Variants in HEMK2 observed in about 807,000 individuals in gnomAD.
HEMK2 encodes the protein HemK methyltransferase 2, ETF1 glutamine and histone H4 lysine.
At chr21:28,862,866 C>CT in the HEMK2 span, among the ~76,000 whole-genome samples, 1 of 152,096 alleles carries the variant, frequency 6.6e-6, no homozygotes, top group Admixed American at 6.6e-5. Context: ...GTACTGTTAA[C>CT]TTTATGTATT....
At chr21:28,865,914 T>C in the HEMK2 span, among the ~76,000 whole-genome samples, 11 of 152,064 alleles carry the variant, frequency 7.2e-5, no homozygotes, top group South Asian at 2.1e-4. Context: ...GTTGCCCTTT[T>C]CTTTTCTTTT....
chr21:28,778,954 A>C, the HEMK2 span, among the ~76,000 whole-genome samples: 1 of 152,102 alleles, frequency 6.6e-6, no homozygotes, highest in African/African-American at 2.4e-5. Flanking sequence ...AACTTAATCG[A>C]TTTTTCCTCT....
chr21:28,881,111 T>C, the HEMK2 span, among the ~76,000 whole-genome samples: 2 of 152,168 alleles, frequency 1.3e-5, no homozygotes, highest in African/African-American at 4.8e-5. Flanking sequence ...AATTTAAAAC[T>C]GCCACTTGAA....
At chr21:28,831,518 A>AGAAGGAAAGAAG in the HEMK2 span, among the ~76,000 whole-genome samples, 5 of 76,722 alleles carry the variant, frequency 6.5e-5, no homozygotes, top group African/African-American at 2.4e-4. Context: ...AAAGAAAGAA[A>AGAAGGAAAGAAG]GAAAGAAGGA....
At chr21:28,776,560 G>A in the HEMK2 span, among the ~76,000 whole-genome samples, 2 of 152,164 alleles carry the variant, frequency 1.3e-5, no homozygotes. Context: ...GTTTATTAAG[G>A]AGTATTGACT....
chr21:28,784,140 C>T, the HEMK2 span, among the ~76,000 whole-genome samples: 5 of 152,146 alleles, frequency 3.3e-5, no homozygotes, highest in South Asian at 4.1e-4. Context: ...CTGAAGAGTG[C>T]GGGCACACAG....
the HEMK2 span, among the ~76,000 whole-genome samples, chr21:28,641,343 T>C: frequency 6.6e-6 from 1 of 152,202 alleles, no homozygotes; most frequent in Non-Finnish European, 1.5e-5. Flanking sequence ...GGGTGGCTTC[T>C]TTGAGTTAAA....
At chr21:28,788,525 G>C in the HEMK2 span, among the ~76,000 whole-genome samples, 1 of 152,044 alleles carries the variant, frequency 6.6e-6, no homozygotes, top group African/African-American at 2.4e-5. Context: ...GGATTTGAGG[G>C]AAAAATCGGA....
the HEMK2 span, among the ~76,000 whole-genome samples, chr21:28,599,288 A>C: frequency 3.2e-4 from 48 of 152,300 alleles, no homozygotes; most frequent in African/African-American, 1.1e-3. Flanking sequence ...AAGAAAAAGA[A>C]GTTTAATGGA....
At chr21:28,883,797 G>C in the HEMK2 span, among the ~76,000 whole-genome samples, 1 of 152,076 alleles carries the variant, frequency 6.6e-6, no homozygotes, top group Admixed American at 6.5e-5. Flanking sequence ...ACAGCTCACT[G>C]CTGCCTTTAA....
the HEMK2 span, among the ~76,000 whole-genome samples, chr21:28,815,641 G>A: frequency 2.6e-5 from 4 of 152,054 alleles, no homozygotes; most frequent in African/African-American, 9.7e-5. Context: ...CTGAAGGACA[G>A]CTACAGTTAT....
chr21:28,804,054 T>C, the HEMK2 span, among the ~76,000 whole-genome samples: 1 of 152,232 alleles, frequency 6.6e-6, no homozygotes, highest in Non-Finnish European at 1.5e-5. Context: ...TGTTTTGGAA[T>C]GAAGAAATGA....
chr21:28,598,369 GGTCA>G, the HEMK2 span, among the ~76,000 whole-genome samples: 1 of 152,138 alleles, frequency 6.6e-6, no homozygotes, highest in South Asian at 2.1e-4. Flanking sequence ...GAGCAGCTGA[GGTCA>G]GTCAGACAGT....
chr21:28,771,518 A>ACCACCCCCCC, the HEMK2 span, among the ~76,000 whole-genome samples: 2 of 105,594 alleles, frequency 1.9e-5, no homozygotes, highest in African/African-American at 6.7e-5. Flanking sequence ...AAGATGCACC[A>ACCACCCCCCC]CCCCCCCCCG....
At chr21:28,859,342 C>G in the HEMK2 span, among the ~76,000 whole-genome samples, 2 of 152,134 alleles carry the variant, frequency 1.3e-5, no homozygotes, top group Non-Finnish European at 2.9e-5. Flanking sequence ...TAGGGATCCT[C>G]AAATCTTGCA....
chr21:28,683,358 G>A, the HEMK2 span, among the ~76,000 whole-genome samples: 7 of 152,116 alleles, frequency 4.6e-5, no homozygotes, highest in African/African-American at 1.4e-4. Flanking sequence ...TTATCACTAT[G>A]GCTGGTAACT....
chr21:28,874,792 T>C, the HEMK2 span: 2 of 152,276 alleles, frequency 1.3e-5, no homozygotes, highest in Non-Finnish European at 2.9e-5. Flanking sequence ...TTTCCAGTTA[T>C]ATTGAACTCC....
chr21:28,783,217 C>G, the HEMK2 span, among the ~76,000 whole-genome samples: 1 of 152,018 alleles, frequency 6.6e-6, no homozygotes, highest in Admixed American at 6.6e-5. Flanking sequence ...CAGAATCTCG[C>G]TCTGTTGCCC....
At chr21:28,692,690 G>A in the HEMK2 span, among the ~76,000 whole-genome samples, 4 of 151,964 alleles carry the variant, frequency 2.6e-5, no homozygotes, top group African/African-American at 9.7e-5. Context: ...CATGATCTAT[G>A]CAAAAACTTG....
Sources: allele counts gnomAD v4.1 joint callset (sites outside exome capture counted in the v4.1 genomes callset), GRCh38; gene constraint gnomAD v4.1.1; transcripts MANE v1.5; gene names NCBI Gene and HGNC (gene_info 2026-07-23, HGNC 2026-07-21).